Variants in NKAIN3 observed in about 807,000 individuals in gnomAD.
NKAIN3 encodes the protein sodium/potassium transporting ATPase interacting 3.
Under a neutral mutation model 30.2 loss-of-function variants are expected in NKAIN3, and 25 were observed. The observed-to-expected ratio is 0.83, with a 90% CI of 0.60 to 1.16. NKAIN3 has a LOEUF of 1.16. Ranked by LOEUF, NKAIN3 falls within the 50% of genes most tolerant of loss-of-function variation. The probability of loss-of-function intolerance (pLI) is 0.00; values close to 1 mark genes in which losing one functional copy is unlikely to be tolerated. For missense variants in NKAIN3, 225 were observed against 254.1 expected (o/e 0.89, Z 0.78); for synonymous variants, 91 against 89.6 (o/e 1.02, Z -0.09).
intron 1 of NKAIN3, among the ~76,000 whole-genome samples, chr8:62,306,752 A>G (rs1814258673): frequency 6.7e-6 from 1 of 150,176 alleles, no homozygotes; most frequent in Admixed American, 6.6e-5. Context: ...TTCCATGTTC[A>G]GGATGAATGA....
At chr8:62,580,693 A>G (rs748303319) in intron 2 of NKAIN3, among the ~76,000 whole-genome samples, 16 of 152,012 alleles carry the variant, frequency 1.1e-4, no homozygotes, top group South Asian at 4.1e-4. Flanking sequence ...TTTCACAGAG[A>G]TATAGATAAC....
chr8:62,742,498 C>T (rs1270376876), intron 3 of NKAIN3, among the ~76,000 whole-genome samples: 1 of 152,154 alleles, frequency 6.6e-6, no homozygotes, highest in Non-Finnish European at 1.5e-5. Flanking sequence ...TCAAAAAATC[C>T]TCATGCCAAA....
At chr8:62,575,070 A>G (rs1810068404) in intron 1 of NKAIN3, among the ~76,000 whole-genome samples, 1 of 152,138 alleles carries the variant, frequency 6.6e-6, no homozygotes, top group African/African-American at 2.4e-5. Flanking sequence ...CTCAACAAGC[A>G]TGCCCACTTT....
At chr8:62,311,535 G>A (rs1174795618) in intron 1 of NKAIN3, among the ~76,000 whole-genome samples, 4 of 150,622 alleles carry the variant, frequency 2.7e-5, no homozygotes, top group African/African-American at 1.0e-4. Context: ...TTCAGTGCCT[G>A]AGACTGCATG....
rs1159510009 is a variant in NKAIN3 at position 62,464,890 on chromosome 8, AT to A, written c.55-114646del. On this transcript the variant is annotated intron_variant, in intron 1 of 6. Coordinates refer to ENST00000623646, the MANE Select transcript of NKAIN3 (RefSeq NM_001304533.3). ...GAGATATTTCATAATGAAACTTACA[AT>A]TTATTTGCAAAAATAACTGGGAGTA... Among the ~76,000 whole-genome samples the A allele has an allele frequency of 3.9e-5, 6 of 152,296 alleles. No homozygotes were observed. In the South Asian group the frequency reaches 6.2e-4, roughly 16 times the overall value.
At chr8:62,631,285 T>C (rs1360118631) in intron 3 of NKAIN3, among the ~76,000 whole-genome samples, 1 of 152,134 alleles carries the variant, frequency 6.6e-6, no homozygotes. Flanking sequence ...GCCTCTGTAA[T>C]GTCTTAACAT....
chr8:62,656,162 T>C (rs1812758058), intron 3 of NKAIN3, among the ~76,000 whole-genome samples: 1 of 152,134 alleles, frequency 6.6e-6, no homozygotes, highest in Non-Finnish European at 1.5e-5. Flanking sequence ...CCGATTTTGC[T>C]GCCATTTTGT....
intron 4 of NKAIN3, among the ~76,000 whole-genome samples, chr8:62,804,509 T>A (rs536590899): frequency 1.3e-5 from 2 of 152,272 alleles, no homozygotes; most frequent in Admixed American, 1.3e-4. Flanking sequence ...CGCAAATCAA[T>A]AAATGTAATC....
At chr8:62,846,189 A>G (rs1819683852) in intron 4 of NKAIN3, among the ~76,000 whole-genome samples, 1 of 152,322 alleles carries the variant, frequency 6.6e-6, no homozygotes, top group Middle Eastern at 3.4e-3. Context: ...AGTCCAGTAA[A>G]TGATGAATGT....
chr8:62,901,791 T>G (rs1156724479), intron 4 of NKAIN3, among the ~76,000 whole-genome samples: 2 of 152,196 alleles, frequency 1.3e-5, no homozygotes, highest in African/African-American at 4.8e-5. Flanking sequence ...TCTTACATTC[T>G]CCTGAGAACT....
At chr8:62,562,370 G>A (rs1585949815) in intron 1 of NKAIN3, among the ~76,000 whole-genome samples, 2 of 152,180 alleles carry the variant, frequency 1.3e-5, no homozygotes, top group Middle Eastern at 6.8e-3. Flanking sequence ...GTTTCACCAG[G>A]TTAGGTCACA....
chr8:62,921,509 A>G (rs1186426425), intron 5 of NKAIN3, among the ~76,000 whole-genome samples: 1 of 152,128 alleles, frequency 6.6e-6, no homozygotes, highest in Non-Finnish European at 1.5e-5. Context: ...ACTTATTTCT[A>G]GCCACCCGTC....
chr8:62,594,641 A>C (rs1299438762), intron 3 of NKAIN3, among the ~76,000 whole-genome samples: 1 of 152,100 alleles, frequency 6.6e-6, no homozygotes. Context: ...AAGCATCTAT[A>C]GTCAGATTGT....
chr8:62,616,694 GTCCCCTT>G (rs1237866005), intron 3 of NKAIN3, among the ~76,000 whole-genome samples: 9 of 152,084 alleles, frequency 5.9e-5, no homozygotes, highest in Non-Finnish European at 1.5e-5. Flanking sequence ...TCGGTCTCCA[GTCCCCTT>G]TCCCCTCCCA....
At chr8:62,525,520 G>C (rs1585906297) in intron 1 of NKAIN3, among the ~76,000 whole-genome samples, 1 of 152,076 alleles carries the variant, frequency 6.6e-6, no homozygotes, top group South Asian at 2.1e-4. Context: ...TCCTGTGTTA[G>C]TTTGCTAAGG....
intron 1 of NKAIN3, among the ~76,000 whole-genome samples, chr8:62,530,560 C>T (rs1808456920): frequency 6.6e-6 from 1 of 152,068 alleles, no homozygotes; most frequent in South Asian, 2.1e-4. Context: ...AACAGGTTGA[C>T]AATATTGCAT....
At position 62,681,006 on chromosome 8, in the gene NKAIN3, T is replaced by C. The variant is rs142498062; in HGVS notation, c.274-65926T>C. 1.4e-4 allele frequency among the ~76,000 whole-genome samples: 22 copies of C among 152,338 alleles called. No individual in the cohort carries two copies. The East Asian group carries it at 4.2e-3, about 29-fold the overall frequency. On this transcript the variant is annotated intron_variant, in intron 3 of 6. Transcript: ENST00000623646. ...CAACTGAACATAAACTTTTGTAATA[T>C]GAAATTAAAATTAGAATTATTTCAA...
At chr8:62,719,538 A>G (rs1018218584) in intron 3 of NKAIN3, among the ~76,000 whole-genome samples, 1 of 152,188 alleles carries the variant, frequency 6.6e-6, no homozygotes, top group African/African-American at 2.4e-5. Flanking sequence ...AAGTTCTGAC[A>G]TGATCTAGTC....
chr8:62,952,588 T>A (rs947488126), intron 5 of NKAIN3, among the ~76,000 whole-genome samples: 1 of 152,212 alleles, frequency 6.6e-6, no homozygotes, highest in Non-Finnish European at 1.5e-5. Flanking sequence ...TCTTACAATG[T>A]CTGTGAGTAT....
Sources: gnomAD v4.1 joint callset for allele counts (sites outside exome capture counted in the v4.1 genomes callset) on GRCh38, gnomAD v4.1.1 for gene constraint, MANE v1.5 for transcripts, NCBI Gene and HGNC (gene_info 2026-07-23, HGNC 2026-07-21) for gene names.